The following B3GAT2 variants were observed in gnomAD, a reference collection of about 807,000 sequenced individuals.
B3GAT2 encodes galactosylgalactosylxylosylprotein 3-beta-glucuronosyltransferase 2.
B3GAT2 carries 26 observed loss-of-function variants against 27.8 expected under a neutral mutation model. That is an observed-to-expected ratio of 0.93 (90% CI 0.68 to 1.30). The LOEUF is 1.30. B3GAT2 is among the 50% of genes most tolerant of loss of function. B3GAT2 has a pLI of 0.00. For missense variants in B3GAT2, 458 were observed against 459.0 expected (o/e 1.00, Z 0.02); for synonymous variants, 218 against 195.1 (o/e 1.12, Z -0.98).
At chr6:70,861,805 C>A in intron 3 of B3GAT2, 25 bp downstream of exon 3, 1 of 1,613,938 alleles carries the variant, frequency 6.2e-7, no homozygotes, top group South Asian at 1.1e-5. Flanking sequence ...CACTCGAGGT[C>A]GGGCAGCACA....
intron 2 of B3GAT2, among the ~76,000 whole-genome samples, chr6:70,891,229 G>A (rs1385153919): frequency 6.6e-6 from 1 of 152,160 alleles, no homozygotes; most frequent in Non-Finnish European, 1.5e-5. Flanking sequence ...TATGGCTACT[G>A]GTCAGCTTTG....
At chr6:70,940,449 G>A (rs1188188264) in intron 1 of B3GAT2, among the ~76,000 whole-genome samples, 2 of 151,884 alleles carry the variant, frequency 1.3e-5, no homozygotes, top group Non-Finnish European at 2.9e-5. Flanking sequence ...AACCTTCCCA[G>A]CCCAGGAAAT....
Position 70,955,879 on chromosome 6 carries a change from G to C in B3GAT2, c.551C>G (p.Ala184Gly), listed in dbSNP as rs1765646341. ...QRAQPGVLFF[A>G]DDDNTYSLEL... ...CAGACTATAGGTGTTGTCGTCGTCA[G>C]CGAAGAAGAGCACGCCGGGCTGCGC... The change falls in exon 1 of 4, where the codon GCT (alanine) becomes GGT (glycine). Residue 184 changes from alanine to glycine, a missense_variant. Physicochemically the swap from Ala to Gly is moderately conservative, Grantham distance 60. Transcript: ENST00000230053. 2.5e-6 allele frequency: 4 copies of C among 1,605,500 alleles called. No homozygotes were observed. The highest frequency in any genetic ancestry group is 3.4e-6 in the Non-Finnish European group (4 of 1,176,916).
At chr6:70,936,587 A>G (rs1375399909) in intron 1 of B3GAT2, among the ~76,000 whole-genome samples, 106 of 151,440 alleles carry the variant, frequency 7.0e-4, no homozygotes, top group African/African-American at 1.8e-3. Flanking sequence ...CTAGAACTCA[A>G]GATTAAGAAA....
chr6:70,952,915 G>A (rs1367617741), intron 1 of B3GAT2, among the ~76,000 whole-genome samples: 1 of 152,216 alleles, frequency 6.6e-6, no homozygotes, highest in Non-Finnish European at 1.5e-5. Context: ...ATTGAACACA[G>A]ATTGCCTGTT....
intron 2 of B3GAT2, among the ~76,000 whole-genome samples, chr6:70,871,957 G>A (rs891478041): frequency 1.1e-4 from 17 of 151,692 alleles, no homozygotes; most frequent in Non-Finnish European, 2.5e-4. Context: ...TTAACAAATT[G>A]ATTTTTTTTA....
chr6:70,857,812 T>G lies in B3GAT2; in HGVS notation c.*3851A>C, dbSNP rs1178081281. On this transcript the variant is annotated 3_prime_UTR_variant, in exon 4 of 4. Transcript: ENST00000230053. ...GTAGTAGGAGCAGCCAAACTGGAATTAAAATGTTTGCTGTGAGTAGTTCAG... is the reference window on the plus strand; with the variant it reads ...GTAGTAGGAGCAGCCAAACTGGAATGAAAATGTTTGCTGTGAGTAGTTCAG... 81 of 1,231,294 alleles carry G rather than the reference T, an allele frequency of 6.6e-5. 1 individual carries two copies. In the East Asian group the frequency reaches 1.9e-3, roughly 28 times the overall value. 76.3% of individuals were successfully genotyped at this position (1,231,294 alleles called of 1,614,324 possible).
Position 70,956,971 on chromosome 6 carries a change from T to A in B3GAT2, c.-542A>T. 2 of 1,005,020 alleles carry A rather than the reference T, an allele frequency of 2.0e-6. No individual in the cohort carries two copies. Among genetic ancestry groups the A allele is most frequent in the Non-Finnish European group, 2.4e-6 (2 of 843,806 alleles). The allele number at this position is 1,005,020 out of a possible 1,614,324, so 62.3% of individuals were successfully genotyped here. A position where few individuals can be genotyped will look rare whatever the true frequency, so the allele number is the denominator to read the frequency against. Reference sequence around the variant, plus strand: ...GAGGAGCGGGTGGAGACGCTGGGGGTTGTGTCCCGGCTGTGTTCGCGCGCC... The same window carrying A: ...GAGGAGCGGGTGGAGACGCTGGGGGATGTGTCCCGGCTGTGTTCGCGCGCC... On this transcript the variant is annotated 5_prime_UTR_variant, in exon 1 of 4. Coordinates refer to ENST00000230053, the MANE Select transcript of B3GAT2 (RefSeq NM_080742.3).
Position 70,857,224 on chromosome 6 carries a change from G to T in B3GAT2, c.*4439C>A, listed in dbSNP as rs151027218. ...TTAAGAGGCATGTACAGGATTCACAGAACTTTATTTGGAATTAACAAGCTG... is the reference window on the plus strand; with the variant it reads ...TTAAGAGGCATGTACAGGATTCACATAACTTTATTTGGAATTAACAAGCTG... On this transcript the variant is annotated 3_prime_UTR_variant, in exon 4 of 4. Coordinates refer to ENST00000230053, the MANE Select transcript of B3GAT2 (RefSeq NM_080742.3). The T allele has an allele frequency of 1.3e-3, 594 of 451,680 alleles. 3 individuals carry two copies. The highest frequency in any genetic ancestry group is 0.01 in the African/African-American group (512 of 50,542). The allele number at this position is 451,680 out of a possible 1,614,324, so 28.0% of individuals were successfully genotyped here. A position where few individuals can be genotyped will look rare whatever the true frequency, so the allele number is the denominator to read the frequency against.
In B3GAT2 at chr6:70,956,415, A is replaced by G. The variant is rs1457947415; in HGVS notation, c.15T>C (p.Leu5=). The G allele has an allele frequency of 1.3e-6, 2 of 1,551,422 alleles. No individual in the cohort carries two copies. The highest frequency in any genetic ancestry group is 1.7e-6 in the Non-Finnish European group (2 of 1,146,988). The change falls in exon 1 of 4, where the codon CTT becomes CTC. Residue 5 remains leucine (L), a synonymous_variant. Coordinates refer to ENST00000230053, the MANE Select transcript of B3GAT2 (RefSeq NM_080742.3). MKSA[L]FTRFFILLPW... is the part of the protein sequence containing the mutation. ...GCAGGAGGATAAAGAAGCGGGTGAA[A>G]AGCGCGGACTTCATGGTGCACGCTC...
At position 70,859,292 on chromosome 6, in the gene B3GAT2, G is replaced by T; in HGVS notation, c.*2371C>A. 1.4e-6 allele frequency: 2 copies of T among 1,469,732 alleles called. No homozygotes were observed. Among genetic ancestry groups the T allele is most frequent in the South Asian group, 1.3e-5 (1 of 77,868 alleles). The allele number at this position is 1,469,732 out of a possible 1,614,324, so 91.0% of individuals were successfully genotyped here. A position where few individuals can be genotyped will look rare whatever the true frequency, so the allele number is the denominator to read the frequency against. ...CCCAGCTCAGGTTAAGGTGCTAGAT[G>T]AACCAGGAAGGAGTTAATACTGGCT... On this transcript the variant is annotated 3_prime_UTR_variant, in exon 4 of 4. Coordinates refer to ENST00000230053, the MANE Select transcript of B3GAT2 (RefSeq NM_080742.3).
intron 1 of B3GAT2, among the ~76,000 whole-genome samples, chr6:70,937,107 G>A (rs1459868470): frequency 1.3e-5 from 2 of 152,176 alleles, no homozygotes; most frequent in Non-Finnish European, 2.9e-5. Context: ...ACTACCATCA[G>A]AGAATACTAT....
intron 2 of B3GAT2, among the ~76,000 whole-genome samples, chr6:70,890,964 T>C (rs1772278457): frequency 6.6e-6 from 1 of 152,234 alleles, no homozygotes; most frequent in South Asian, 2.1e-4. Flanking sequence ...CTTGAACAAA[T>C]CTACACCTCC....
chr6:70,934,457 A>G (rs1249630162), intron 1 of B3GAT2, among the ~76,000 whole-genome samples: 1 of 150,402 alleles, frequency 6.6e-6, no homozygotes, highest in African/African-American at 2.5e-5. Context: ...TGTCCCACCT[A>G]ATATAACCTC....
At chr6:70,871,225 T>G (rs1582341869) in intron 2 of B3GAT2, among the ~76,000 whole-genome samples, 1 of 150,188 alleles carries the variant, frequency 6.7e-6, no homozygotes, top group South Asian at 2.1e-4. Context: ...TTTTTTTGTT[T>G]TTTTTTTTTC....
At chr6:70,887,362 G>A (rs546332781) in intron 2 of B3GAT2, among the ~76,000 whole-genome samples, 4 of 152,310 alleles carry the variant, frequency 2.6e-5, no homozygotes, top group African/African-American at 9.6e-5. Flanking sequence ...TCCCTGCAGA[G>A]AGCCCACAGA....
intron 2 of B3GAT2, among the ~76,000 whole-genome samples, chr6:70,889,794 T>G (rs1772256348): frequency 6.6e-6 from 1 of 151,898 alleles, no homozygotes; most frequent in Non-Finnish European, 1.5e-5. Flanking sequence ...TAATTTTTTT[T>G]TTTTTTTTGA....
At chr6:70,943,067 T>C (rs1334954950) in intron 1 of B3GAT2, among the ~76,000 whole-genome samples, 1 of 152,178 alleles carries the variant, frequency 6.6e-6, no homozygotes, top group Non-Finnish European at 1.5e-5. Flanking sequence ...GTAAACAAAC[T>C]ACTGCGTTTT....
intron 1 of B3GAT2, among the ~76,000 whole-genome samples, chr6:70,931,283 G>A (rs1279143378): frequency 6.6e-6 from 1 of 152,008 alleles, no homozygotes; most frequent in Non-Finnish European, 1.5e-5. Context: ...ATATACATAT[G>A]TAACAAACCT....
Sources: gnomAD v4.1 joint callset for allele counts (sites outside exome capture counted in the v4.1 genomes callset) on GRCh38, gnomAD v4.1.1 for gene constraint, MANE v1.5 for transcripts, NCBI Gene and HGNC (gene_info 2026-07-23, HGNC 2026-07-21) for gene names.